Variants in RGS6 observed in about 807,000 individuals in gnomAD.
The protein encoded by RGS6 is regulator of G protein signaling 6.
A neutral mutation model predicts 78.5 loss-of-function variants in RGS6; 30 were observed. The observed-to-expected ratio is 0.38, with a 90% CI of 0.29 to 0.52. The LOEUF (loss-of-function observed/expected upper bound fraction) is 0.52, where lower values mean the gene tolerates loss of function less well. RGS6 is among the 20% of genes least tolerant of loss of function. The pLI is 0.85. For missense variants in RGS6, 495 were observed against 609.7 expected (o/e 0.81, Z 1.98); for synonymous variants, 206 against 206.0 (o/e 1.00, Z 0.00).
At chr14:72,540,365 G>C (rs545675133) in intron 17 of RGS6, 1 of 1,456,162 alleles carries the variant, frequency 6.9e-7, no homozygotes, top group Non-Finnish European at 9.0e-7. Context: ...CATCTGTTCA[G>C]GGCTTTGAGG....
At chr14:72,158,929 T>A (rs979668247) in intron 2 of RGS6, among the ~76,000 whole-genome samples, 2 of 152,216 alleles carry the variant, frequency 1.3e-5, no homozygotes, top group Non-Finnish European at 2.9e-5. Context: ...AGCAAGTTAC[T>A]TAACCCACCT....
chr14:72,552,925 C>T (rs1599072313), intron 17 of RGS6: 1 of 152,150 alleles, frequency 6.6e-6, no homozygotes, highest in African/African-American at 2.4e-5. Flanking sequence ...GTCAGAGTGG[C>T]ATCTTAGGAG....
chr14:71,977,992 T>C (rs1266504607), intron 2 of RGS6, among the ~76,000 whole-genome samples: 1 of 151,578 alleles, frequency 6.6e-6, no homozygotes, highest in African/African-American at 2.4e-5. Flanking sequence ...CCTTGTAAGT[T>C]GGATTCCTAG....
intron 1 of RGS6, among the ~76,000 whole-genome samples, chr14:71,963,694 CTTTA>C (rs1287423577): frequency 6.6e-6 from 1 of 152,190 alleles, no homozygotes; most frequent in African/African-American, 2.4e-5. Flanking sequence ...TGTGTCAGTA[CTTTA>C]TTTCTTTTTA....
intron 2 of RGS6, among the ~76,000 whole-genome samples, chr14:71,985,349 C>G (rs2094656055): frequency 6.6e-6 from 1 of 152,198 alleles, no homozygotes; most frequent in African/African-American, 2.4e-5. Flanking sequence ...GTCTCGATCT[C>G]TTGACCTCAT....
intron 2 of RGS6, among the ~76,000 whole-genome samples, chr14:72,024,829 T>G (rs1263844111): frequency 6.6e-6 from 1 of 152,140 alleles, no homozygotes; most frequent in Non-Finnish European, 1.5e-5. Flanking sequence ...TGTATCTGCA[T>G]TAACGAGATC....
chr14:72,462,907 G>A (rs528223094), intron 6 of RGS6, among the ~76,000 whole-genome samples: 2 of 152,316 alleles, frequency 1.3e-5, no homozygotes, highest in South Asian at 2.1e-4. Context: ...AGAGAAATAA[G>A]TGAGTTATAG....
chr14:72,453,615 C>CAAAAAAAAAAAAAAAA, intron 3 of RGS6, among the ~76,000 whole-genome samples: 1 of 52,066 alleles, frequency 1.9e-5, no homozygotes, highest in African/African-American at 6.6e-5. Context: ...GACTCCGTCT[C>CAAAAAAAAAAAAAAAA]AAAAAAAAAA....
the RGS6 span, among the ~76,000 whole-genome samples, chr14:72,582,193 C>A: frequency 6.6e-6 from 1 of 152,172 alleles, no homozygotes; most frequent in East Asian, 1.9e-4. Context: ...CCTCCCAATG[C>A]CACCATATTG....
At chr14:72,554,268 C>A (rs1440739369) in intron 17 of RGS6, among the ~76,000 whole-genome samples, 1 of 152,228 alleles carries the variant, frequency 6.6e-6, no homozygotes. Context: ...TTTGGGTGAA[C>A]ACATTTGCAA....
chr14:71,932,397 C>T (rs1020399734), upstream of RGS6: 2 of 151,498 alleles, frequency 1.3e-5, no homozygotes, highest in African/African-American at 4.8e-5. Flanking sequence ...CGACAGCGGG[C>T]GCCGCTGCAG....
At chr14:72,480,934 A>G (rs534096256) in intron 12 of RGS6, among the ~76,000 whole-genome samples, 1 of 152,316 alleles carries the variant, frequency 6.6e-6, no homozygotes, top group East Asian at 1.9e-4. Flanking sequence ...GGGGACAGCG[A>G]GGCTGGGCTC....
At chr14:72,058,156 A>G (rs922039191) in intron 2 of RGS6, among the ~76,000 whole-genome samples, 3 of 151,970 alleles carry the variant, frequency 2.0e-5, no homozygotes, top group Non-Finnish European at 4.4e-5. Context: ...TGTGCCTGCA[A>G]TCAGTCCAGC....
intron 2 of RGS6, among the ~76,000 whole-genome samples, chr14:72,127,710 A>G (rs188340278): frequency 1.3e-5 from 2 of 152,302 alleles, no homozygotes. Flanking sequence ...CCTCAATGGT[A>G]CTATCTTGTA....
At chr14:72,272,149 C>T (rs2060044164) in intron 2 of RGS6, among the ~76,000 whole-genome samples, 1 of 152,122 alleles carries the variant, frequency 6.6e-6, no homozygotes, top group African/African-American at 2.4e-5. Context: ...ACCACCAACC[C>T]TCATCCATCT....
chr14:72,427,558 T>C (rs1338516596), intron 3 of RGS6, among the ~76,000 whole-genome samples: 2 of 152,154 alleles, frequency 1.3e-5, no homozygotes, highest in Non-Finnish European at 2.9e-5. Context: ...CTGTTGGGGG[T>C]AGTTTGTTAT....
At chr14:72,038,515 T>C (rs2153368437) in intron 2 of RGS6, among the ~76,000 whole-genome samples, 1 of 152,322 alleles carries the variant, frequency 6.6e-6, no homozygotes, top group Admixed American at 6.5e-5. Flanking sequence ...TATCTTCCAA[T>C]TTTGAACATA....
At chr14:72,148,686 G>A (rs138399611) in intron 2 of RGS6, among the ~76,000 whole-genome samples, 1 of 152,240 alleles carries the variant, frequency 6.6e-6, no homozygotes, top group African/African-American at 2.4e-5. Context: ...TTATTAGCAT[G>A]GCCCCTAGAT....
At chr14:71,906,996 CT>C in the RGS6 span, among the ~76,000 whole-genome samples, 1 of 152,168 alleles carries the variant, frequency 6.6e-6, no homozygotes, top group Non-Finnish European at 1.5e-5. Flanking sequence ...TTTCCTTTCT[CT>C]TGGGAAGGAC....
Sources: allele counts gnomAD v4.1 joint callset (sites outside exome capture counted in the v4.1 genomes callset), GRCh38; gene constraint gnomAD v4.1.1; transcripts MANE v1.5; gene names NCBI Gene and HGNC (gene_info 2026-07-23, HGNC 2026-07-21).